TPCN1: variants seen among roughly 807,000 people sequenced by gnomAD.
The protein encoded by TPCN1 is two pore segment channel 1.
Under a neutral mutation model 108.8 loss-of-function variants are expected in TPCN1, and 52 were observed. The observed-to-expected ratio is 0.48, with a 90% CI of 0.38 to 0.60. The LOEUF is 0.60. Ranked by LOEUF, TPCN1 falls within the 20% of genes least tolerant of loss-of-function variation. The pLI is 0.00. For missense variants in TPCN1, 806 were observed against 1,072.8 expected (o/e 0.75, Z 3.47); for synonymous variants, 446 against 433.7 (o/e 1.03, Z -0.35).
intron 3 of TPCN1, among the ~76,000 whole-genome samples, chr12:113,263,974 C>A (rs1377679816): frequency 1.3e-5 from 2 of 152,226 alleles, no homozygotes; most frequent in Admixed American, 1.3e-4. Context: ...TGGGACAACT[C>A]CAAGTCCTAG....
At chr12:113,264,118 G>A (rs895796700) in intron 3 of TPCN1, among the ~76,000 whole-genome samples, 10 of 152,120 alleles carry the variant, frequency 6.6e-5, no homozygotes, top group African/African-American at 2.4e-4. Context: ...AGGCCACTGT[G>A]TGTGGCCCCC....
Position 113,297,484 on chromosome 12 carries a change from G to A in TPCN1, c.*1408G>A, listed in dbSNP as rs1956465966. 6.5e-6 allele frequency: 1 copy of A among 152,750 alleles called. No individual in the cohort carries two copies. Among genetic ancestry groups the A allele is most frequent in the Non-Finnish European group, 1.5e-5 (1 of 68,134 alleles). The allele number at this position is 152,750 out of a possible 1,614,324, so 9.5% of individuals were successfully genotyped here. On this transcript the variant is annotated 3_prime_UTR_variant, in exon 28 of 28. Transcript: ENST00000335509. The surrounding 1 kb of genome is among the most constrained non-coding windows in gnomAD (Gnocchi z 4.4). Reference sequence around the variant, plus strand: ...TGGCCTTGTCCTCTTCCCAGCCACAGAACGGGCAGGGTGGCACCCGACCCC... The same window carrying A: ...TGGCCTTGTCCTCTTCCCAGCCACAAAACGGGCAGGGTGGCACCCGACCCC...
rs761386026 is a variant in TPCN1 at position 113,291,945 on chromosome 12, C to T, written c.2100C>T (p.Asn700=). 28 of 1,611,720 alleles carry T rather than the reference C, an allele frequency of 1.7e-5. No homozygotes were observed. The highest frequency in any genetic ancestry group is 2.7e-5 in the African/African-American group (2 of 74,814). ...FVFRMNYSRK[N]QDSEVDGGIT... ...TCCGAATGAACTACAGCCGCAAGAA[C>T]CAGGACTCGGAAGGTCTGTGCAGGG... Residue 700 remains asparagine, a synonymous_variant, in exon 25 of 28, where the codon AAC becomes AAT. Transcript: ENST00000335509.
chr12:113,292,077 C>A, intron 25 of TPCN1, 119 bp downstream of exon 25: 1 of 794,746 alleles, frequency 1.3e-6, no homozygotes, highest in Non-Finnish European at 2.2e-6. Context: ...GTCTGGCTGT[C>A]CAGCTTATCT....
intron 2 of TPCN1, among the ~76,000 whole-genome samples, chr12:113,254,925 AC>A (rs1478199649): frequency 1.3e-5 from 2 of 152,234 alleles, no homozygotes; most frequent in Non-Finnish European, 2.9e-5. Context: ...TCTACGAGAA[AC>A]TTCTAGCTTA....
At position 113,288,720 on chromosome 12, in the gene TPCN1, T is replaced by C; in HGVS notation, c.1707-38T>C. ...GGGCTGCAGAGGAGCCGTTCCCTCC[T>C]GCCGGCCCCGCGTCACCCTGCCCCT... On this transcript the variant is annotated intron_variant, in intron 20 of 27. Transcript: ENST00000335509. This position sits in a 1 kb window ranked among gnomAD's most constrained non-coding sequence, Gnocchi z 4.8. 6.2e-7 allele frequency: 1 copy of C among 1,607,172 alleles called. No homozygotes were observed. Among genetic ancestry groups the C allele is most frequent in the Non-Finnish European group, 8.5e-7 (1 of 1,179,134 alleles).
In TPCN1 at chr12:113,268,643, G is replaced by A; in HGVS notation, c.529-99G>A. 6.7e-7 allele frequency: 1 copy of A among 1,500,758 alleles called. No homozygotes were observed. Among genetic ancestry groups the A allele is most frequent in the Non-Finnish European group, 9.0e-7 (1 of 1,106,780 alleles). 93.0% of individuals were successfully genotyped at this position (1,500,758 alleles called of 1,614,324 possible). A position where few individuals can be genotyped will look rare whatever the true frequency, so the allele number is the denominator to read the frequency against. On this transcript the variant is annotated intron_variant, in intron 5 of 27. Transcript: ENST00000335509. The surrounding 1 kb of genome is among the most constrained non-coding windows in gnomAD (Gnocchi z 7.3). ...CTGGAGAGAGGAGAAGGCCTCCCGA[G>A]GCCAGAGTGGGCACTGCCTCTCCAG...
chr12:113,296,639 GAA>G lies in TPCN1; in HGVS notation c.*564_*565del, dbSNP rs1429505107. ...CAGTGCCCAGGATCTAATGGAAGCG[GAA>G]TTGGGGCAACTGGGCCCATGTGGCC... On this transcript the variant is annotated 3_prime_UTR_variant, in exon 28 of 28. Coordinates refer to ENST00000335509, the MANE Select transcript of TPCN1 (RefSeq NM_017901.6). 6.5e-6 allele frequency: 1 copy of G among 152,828 alleles called. No homozygotes were observed. The highest frequency in any genetic ancestry group is 6.5e-5 in the Admixed American group (1 of 15,384). The allele number at this position is 152,828 out of a possible 1,614,324, so 9.5% of individuals were successfully genotyped here. A position where few individuals can be genotyped will look rare whatever the true frequency, so the allele number is the denominator to read the frequency against.
chr12:113,272,378 TA>T lies in TPCN1; in HGVS notation c.749-276del, dbSNP rs1955532550. Among the ~76,000 whole-genome samples, 1 of 152,258 alleles carries T rather than the reference TA, an allele frequency of 6.6e-6. No individual in the cohort carries two copies. Among genetic ancestry groups the T allele is most frequent in the African/African-American group, 2.4e-5 (1 of 41,470 alleles). On this transcript the variant is annotated intron_variant, in intron 7 of 27. Coordinates refer to ENST00000335509, the MANE Select transcript of TPCN1 (RefSeq NM_017901.6). The surrounding 1 kb of genome is among the most constrained non-coding windows in gnomAD (Gnocchi z 4.1). ...GTCTGAAAACTTTGAGCCAGCATTT[TA>T]AAATTAGATTTTACACAAAAATACA... is the stretch of plus-strand genomic sequence containing the variant.
At chr12:113,240,995 C>G (rs1357013504) in intron 2 of TPCN1, among the ~76,000 whole-genome samples, 1 of 152,190 alleles carries the variant, frequency 6.6e-6, no homozygotes, top group Non-Finnish European at 1.5e-5. Flanking sequence ...AACTGCTCAC[C>G]TTGGTGAGCC....
chr12:113,226,998 C>A, intron 2 of TPCN1, 34 bp downstream of exon 2: 1 of 1,575,908 alleles, frequency 6.3e-7, no homozygotes, highest in Non-Finnish European at 8.6e-7. Flanking sequence ...GGGACCCCAG[C>A]TTTTCTGTTT....
chr12:113,229,026 G>A (rs1953578012), intron 2 of TPCN1, among the ~76,000 whole-genome samples: 1 of 152,220 alleles, frequency 6.6e-6, no homozygotes, highest in Non-Finnish European at 1.5e-5. Context: ...CCTGTGGGAT[G>A]AAAGGGGCAA....
At position 113,296,191 on chromosome 12, in the gene TPCN1, C is replaced by A; in HGVS notation, c.*115C>A. ...TCACGTATATGCACATATTTATATA[C>A]AGGAAGAAAAAAGACAGACAAGATG... On this transcript the variant is annotated 3_prime_UTR_variant, in exon 28 of 28. Transcript: ENST00000335509. The A allele has an allele frequency of 3.5e-6, 5 of 1,431,892 alleles. No individual in the cohort carries two copies. Among genetic ancestry groups the A allele is most frequent in the African/African-American group, 2.8e-5 (2 of 71,018 alleles). 88.7% of individuals were successfully genotyped at this position (1,431,892 alleles called of 1,614,324 possible). A position where few individuals can be genotyped will look rare whatever the true frequency, so the allele number is the denominator to read the frequency against.
At chr12:113,248,836 A>G (rs1954511244) in intron 2 of TPCN1, among the ~76,000 whole-genome samples, 1 of 152,234 alleles carries the variant, frequency 6.6e-6, no homozygotes, top group East Asian at 1.9e-4. Context: ...ACACGCACAC[A>G]CACGATAGAG....
intron 2 of TPCN1, chr12:113,249,757 G>A (rs1452396149): frequency 1.3e-5 from 2 of 152,346 alleles, no homozygotes; most frequent in Non-Finnish European, 1.5e-5. Flanking sequence ...CTGGTTCCTG[G>A]ATGGTTCTCA....
Position 113,280,187 on chromosome 12 carries a change from A to T in TPCN1, c.1334A>T (p.Tyr445Phe). Residue 445 changes from tyrosine to phenylalanine, a missense_variant, in exon 15 of 28, where the codon TAT (tyrosine) becomes TTT (phenylalanine). Transcript: ENST00000335509. ...NILVKSKAFQ[Y>F]FMYLVVAVNG... ...CTTGTGAAGTCCAAGGCCTTCCAGTATTTCATGTGTAAGTGTGAAATATCT... is the reference window on the plus strand; with the variant it reads ...CTTGTGAAGTCCAAGGCCTTCCAGTTTTTCATGTGTAAGTGTGAAATATCT... The T allele has an allele frequency of 6.2e-7, 1 of 1,609,086 alleles. No individual in the cohort carries two copies. The highest frequency in any genetic ancestry group is 8.5e-7 in the Non-Finnish European group (1 of 1,175,902).
In TPCN1 at chr12:113,269,583, G is replaced by T. The variant is rs2303620; in HGVS notation, c.660-174G>T. On this transcript the variant is annotated intron_variant, in intron 6 of 27. Transcript: ENST00000335509. This position sits in a 1 kb window ranked among gnomAD's most constrained non-coding sequence, Gnocchi z 5.0. ...CTGCCCTAGTTCTTCCCTGCCATCC[G>T]CTGAGTGGGGGTCTCAAGCCACTTT... Among the ~76,000 whole-genome samples the T allele has an allele frequency of 6.6e-6, 1 of 152,038 alleles. No homozygotes were observed. Among genetic ancestry groups the T allele is most frequent in the Admixed American group, 6.5e-5 (1 of 15,268 alleles).
chr12:113,295,888 T>C, intron 27 of TPCN1, 72 bp from the exon 28 acceptor site: 1 of 1,466,108 alleles, frequency 6.8e-7, no homozygotes, highest in Non-Finnish European at 9.2e-7. Flanking sequence ...CTGTGGGCTG[T>C]GTGACCTTGT....
intron 27 of TPCN1, among the ~76,000 whole-genome samples, 194 bp downstream of exon 27, chr12:113,293,543 A>G (rs939585504): frequency 6.6e-6 from 1 of 152,186 alleles, no homozygotes; most frequent in African/African-American, 2.4e-5. Context: ...ACTCGTGCCC[A>G]GCAGAGGCAG....
Sources: allele counts gnomAD v4.1 joint callset (sites outside exome capture counted in the v4.1 genomes callset), GRCh38; gene constraint gnomAD v4.1.1; non-coding constraint Gnocchi (gnomAD v3.1); transcripts MANE v1.5; gene names NCBI Gene and HGNC (gene_info 2026-07-23, HGNC 2026-07-21).